TMEM135: variants seen among roughly 807,000 people sequenced by gnomAD.
TMEM135 encodes peroxisomal membrane protein 52.
Under a neutral mutation model 60.3 loss-of-function variants are expected in TMEM135, and 30 were observed. The observed-to-expected ratio is 0.50, with a 90% CI of 0.37 to 0.68. The LOEUF (loss-of-function observed/expected upper bound fraction) is 0.68, where lower values mean the gene tolerates loss of function less well. Ranked by LOEUF, TMEM135 falls within the 30% of genes least tolerant of loss-of-function variation. TMEM135 has a pLI of 0.00. For synonymous variants in TMEM135, 190 were observed against 186.7 expected (o/e 1.02, Z -0.14); for missense variants, 468 against 548.8 (o/e 0.85, Z 1.47).
chr11:87,268,255 A>ATATTTATTTATTTATT (rs56802824), intron 6 of TMEM135, among the ~76,000 whole-genome samples: 58 of 136,800 alleles, frequency 4.2e-4, no homozygotes, highest in African/African-American at 5.7e-4. Flanking sequence ...CCACACCTAG[A>ATATTTATTTATTTATT]TATTTATTTA....
At chr11:87,135,716 T>C (rs1938078328) in intron 4 of TMEM135, among the ~76,000 whole-genome samples, 1 of 149,396 alleles carries the variant, frequency 6.7e-6, no homozygotes, top group Non-Finnish European at 1.5e-5. Context: ...TTTTTGACTG[T>C]TGTAGGTCCT....
At chr11:87,295,659 A>G (rs1942334910) in intron 6 of TMEM135, 123 bp from the exon 7 acceptor site, 3 of 740,598 alleles carry the variant, frequency 4.1e-6, no homozygotes, top group Admixed American at 4.9e-5. Flanking sequence ...TTGACCATTC[A>G]TAATGTTCAG....
At chr11:87,276,373 A>G (rs10898652) in intron 6 of TMEM135, among the ~76,000 whole-genome samples, 56,369 of 151,852 alleles carry the variant, frequency 0.37, 11,147 homozygotes, top group Non-Finnish European at 0.44. Context: ...AAACTGGCCA[A>G]TTTTTAGAAC....
intron 1 of TMEM135, among the ~76,000 whole-genome samples, chr11:87,054,497 A>G (rs1949873497): frequency 6.6e-6 from 1 of 152,220 alleles, no homozygotes; most frequent in African/African-American, 2.4e-5. Flanking sequence ...TTTATATGTG[A>G]AAGAAAAGTA....
chr11:87,143,759 C>G (rs1363456856), intron 4 of TMEM135, among the ~76,000 whole-genome samples: 1 of 152,084 alleles, frequency 6.6e-6, no homozygotes, highest in Admixed American at 6.6e-5. Flanking sequence ...GTGGATCTTT[C>G]CCCTCCAGAA....
At chr11:87,292,202 G>A (rs185485492) in intron 6 of TMEM135, among the ~76,000 whole-genome samples, 6 of 152,208 alleles carry the variant, frequency 3.9e-5, no homozygotes, top group South Asian at 2.1e-4. Context: ...GCCTGACTAC[G>A]TCACTGTTTC....
chr11:87,104,544 T>A lies in TMEM135; in HGVS notation c.396+13149T>A, dbSNP rs1197609456. On this transcript the variant is annotated intron_variant, in intron 4 of 14. Coordinates refer to ENST00000305494, the MANE Select transcript of TMEM135 (RefSeq NM_022918.4). The stretch of plus-strand genomic sequence containing the variant: ...TTGGGCAGTATGAACATTTTAACAA[T>A]GTTGATTTTTCCAATTCATGAACAT... Among the ~76,000 whole-genome samples, 7 of 152,204 alleles carry A rather than the reference T, an allele frequency of 4.6e-5. No homozygotes were observed. The East Asian group carries it at 1.3e-3, about 29-fold the overall frequency.
rs558861887 is a variant in TMEM135, at chr11:87,086,944, G to A, written c.363-4418G>A. 1.2e-4 allele frequency among the ~76,000 whole-genome samples: 18 copies of A among 152,258 alleles called. No homozygotes were observed. In the South Asian group the frequency reaches 1.9e-3, roughly 16 times the overall value. The stretch of plus-strand genomic sequence containing the variant: ...TTCTGAAGAGGTACCTCTAATTGCC[G>A]TTAGGTTAAGGACGATGACCAGTCT... On this transcript the variant is annotated intron_variant, in intron 3 of 14. Coordinates refer to ENST00000305494, the MANE Select transcript of TMEM135 (RefSeq NM_022918.4).
intron 5 of TMEM135, among the ~76,000 whole-genome samples, chr11:87,163,582 T>G (rs1422359515): frequency 6.6e-6 from 1 of 152,130 alleles, no homozygotes; most frequent in African/African-American, 2.4e-5. Context: ...CAAATGGTAT[T>G]TCCAGTTCTA....
intron 5 of TMEM135, among the ~76,000 whole-genome samples, chr11:87,182,462 G>A (rs76780974): frequency 0.05 from 7,645 of 152,138 alleles, 236 homozygotes; most frequent in Non-Finnish European, 0.061. Context: ...TGCTGTGAGT[G>A]GTAGATGATG....
rs542805489 is a variant in TMEM135, at chr11:87,286,638, A to C, written c.510-9144A>C. 1.8e-3 allele frequency among the ~76,000 whole-genome samples: 276 copies of C among 152,328 alleles called. 1 individual carries two copies. Among genetic ancestry groups the C allele is most frequent in the African/African-American group, 6.3e-3 (260 of 41,582 alleles). On this transcript the variant is annotated intron_variant, in intron 6 of 14. Coordinates refer to ENST00000305494, the MANE Select transcript of TMEM135 (RefSeq NM_022918.4). ...CACGGGGTGGGGGTGGGGCTCGGGC[A>C]TGGTGGGCTGCAAGACTACATAAAA...
chr11:87,199,805 C>T (rs1343171890), intron 5 of TMEM135, among the ~76,000 whole-genome samples: 1 of 152,170 alleles, frequency 6.6e-6, no homozygotes, highest in African/African-American at 2.4e-5. Context: ...TGGCACGCGC[C>T]TGTAATCCCA....
intron 5 of TMEM135, among the ~76,000 whole-genome samples, chr11:87,234,575 C>T (rs887905563): frequency 1.3e-5 from 2 of 152,000 alleles, no homozygotes; most frequent in African/African-American, 4.8e-5. Context: ...ATGTCAGTTA[C>T]AAAACAAGAT....
intron 4 of TMEM135, among the ~76,000 whole-genome samples, chr11:87,123,011 A>G (rs995759620): frequency 3.9e-5 from 6 of 152,212 alleles, no homozygotes; most frequent in Admixed American, 6.5e-5. Flanking sequence ...TAGAATGAAA[A>G]CATACATAGA....
intron 6 of TMEM135, 137 bp from the exon 7 acceptor site, chr11:87,295,645 T>C (rs1490544171): frequency 1.5e-6 from 1 of 650,316 alleles, no homozygotes; most frequent in African/African-American, 1.8e-5. Flanking sequence ...TGCTTGTTGC[T>C]CTTTTGACCA....
chr11:87,160,650 T>G lies in TMEM135; in HGVS notation c.462+3244T>G, dbSNP rs3901615. On this transcript the variant is annotated intron_variant, in intron 5 of 14. Transcript: ENST00000305494. ...TATTATTAGTTTGACAGTTGAAAAA[T>G]AACATTGCAGTTAAAGTTTCCAAGA... 4.6e-5 allele frequency among the ~76,000 whole-genome samples: 7 copies of G among 152,336 alleles called. No individual in the cohort carries two copies. In the South Asian group the frequency reaches 1.4e-3, roughly 32 times the overall value.
intron 4 of TMEM135, among the ~76,000 whole-genome samples, chr11:87,134,692 C>T (rs1196706266): frequency 1.3e-5 from 2 of 152,106 alleles, no homozygotes; most frequent in Non-Finnish European, 2.9e-5. Flanking sequence ...CACTATGTTG[C>T]CCAGTCTGGG....
In TMEM135 at chr11:87,087,374, A is replaced by G. The variant is rs150969885; in HGVS notation, c.363-3988A>G. On this transcript the variant is annotated intron_variant, in intron 3 of 14. Coordinates refer to ENST00000305494, the MANE Select transcript of TMEM135 (RefSeq NM_022918.4). ...AGGAGTTGCAGGATAATTGCCCAGA[A>G]TTAGAGTGTTGATCCAGATTTTTAC... 6.5e-3 allele frequency among the ~76,000 whole-genome samples: 989 copies of G among 151,968 alleles called. 4 individuals carry two copies. The highest frequency in any genetic ancestry group is 0.018 in the African/African-American group (763 of 41,472).
chr11:87,315,456 C>G (rs145838833), intron 12 of TMEM135, among the ~76,000 whole-genome samples: 3 of 151,890 alleles, frequency 2.0e-5, no homozygotes, highest in Non-Finnish European at 2.9e-5. Context: ...GTCTGGTTCT[C>G]TCTCTTTTTG....
Sources: gnomAD v4.1 joint callset for allele counts (sites outside exome capture counted in the v4.1 genomes callset) on GRCh38, gnomAD v4.1.1 for gene constraint, MANE v1.5 for transcripts, NCBI Gene and HGNC (gene_info 2026-07-23, HGNC 2026-07-21) for gene names.